Variants in CDH23 observed in about 807,000 individuals in gnomAD.
CDH23 encodes the protein cadherin related 23, also known as cadherin-23.
CDH23 carries 189 observed loss-of-function variants against 317.1 expected under a neutral mutation model. The observed-to-expected ratio is 0.60, with a 90% CI of 0.53 to 0.67. The LOEUF (loss-of-function observed/expected upper bound fraction) is 0.67. Among genes scored for constraint, CDH23 ranks in the 30% least tolerant of loss-of-function variants. CDH23 has a pLI of 0.00. For missense variants in CDH23, 4,401 were observed against 4,592.4 expected (o/e 0.96, Z 1.20); for synonymous variants, 1,839 against 1,876.8 (o/e 0.98, Z 0.52).
chr10:71,749,266 C>T (rs1839931578), intron 38 of CDH23: 1 of 152,336 alleles, frequency 6.6e-6, no homozygotes, highest in South Asian at 2.1e-4. Flanking sequence ...CATGCAGGCC[C>T]CCATGAATTG....
intron 1 of CDH23, among the ~76,000 whole-genome samples, chr10:71,415,664 A>G (rs989560444): frequency 7.9e-5 from 12 of 152,166 alleles, no homozygotes; most frequent in African/African-American, 2.9e-4. Context: ...TTTTAAGCAC[A>G]GCTATTAGTA....
intron 3 of CDH23, among the ~76,000 whole-genome samples, chr10:71,448,339 C>A (rs755631752): frequency 3.9e-5 from 6 of 152,254 alleles, no homozygotes; most frequent in African/African-American, 1.4e-4. Flanking sequence ...CAGCATCGAT[C>A]GGCCTCCGGA....
chr10:71,500,746 C>T (rs1689201489), intron 3 of CDH23, among the ~76,000 whole-genome samples: 1 of 150,840 alleles, frequency 6.6e-6, no homozygotes, highest in Admixed American at 6.6e-5. Context: ...GGTCACTTTA[C>T]CCCTCTGAGC....
At position 71,814,530 on chromosome 10, in the gene CDH23, G is replaced by A. The variant is rs139073804; in HGVS notation, c.9739-422G>A. 4.7e-3 allele frequency among the ~76,000 whole-genome samples: 709 copies of A among 152,306 alleles called. 6 individuals are homozygous for A. Among genetic ancestry groups the A allele is most frequent in the African/African-American group, 0.014 (563 of 41,558 alleles). On this transcript the variant is annotated intron_variant, in intron 69 of 69. Transcript: ENST00000224721. Reference sequence around the variant, plus strand: ...TCCAGACCAGCCTGGCCAACATGGCGTGCCTGTAATCCCACCTACGTGGGA... The same window carrying A: ...TCCAGACCAGCCTGGCCAACATGGCATGCCTGTAATCCCACCTACGTGGGA...
chr10:71,800,703 C>T lies in CDH23; in HGVS notation c.7430C>T (p.Ala2477Val). The change falls in exon 53 of 70, where the codon GCC becomes GTC. Residue 2477 changes from alanine (A) to valine (V), a missense_variant. This residue lies in a region of CDH23 where 189 missense variants were observed against 250.9 expected (regional missense o/e 0.75). Coordinates refer to ENST00000224721, the MANE Select transcript of CDH23 (RefSeq NM_022124.6). ...KKDHYILTALAKDNPGDVASN... is the reference protein window; with the variant it reads ...KKDHYILTALVKDNPGDVASN... Reference sequence around the variant, plus strand: ...GACCACTATATCCTGACTGCCTTGGCCAAAGACAACCCTGGGGATGTAGCC... The same window carrying T: ...GACCACTATATCCTGACTGCCTTGGTCAAAGACAACCCTGGGGATGTAGCC... 1.9e-6 allele frequency: 3 copies of T among 1,613,968 alleles called. No homozygotes were observed. The highest frequency in any genetic ancestry group is 2.5e-6 in the Non-Finnish European group (3 of 1,179,884).
At chr10:71,690,232 C>G (rs571697025) in intron 19 of CDH23, among the ~76,000 whole-genome samples, 1 of 152,308 alleles carries the variant, frequency 6.6e-6, no homozygotes, top group African/African-American at 2.4e-5. Flanking sequence ...CTAAGCCTCT[C>G]ATGAGCCTTG....
intron 26 of CDH23, 179 bp downstream of exon 26, chr10:71,707,228 G>A: frequency 1.4e-6 from 2 of 1,480,384 alleles, no homozygotes; most frequent in South Asian, 2.7e-5. Context: ...TCTTCCCAAG[G>A]GCTTTGCAGC....
intron 6 of CDH23, among the ~76,000 whole-genome samples, chr10:71,515,652 T>C (rs1290981602): frequency 2.0e-5 from 3 of 152,192 alleles, no homozygotes; most frequent in Non-Finnish European, 2.9e-5. Flanking sequence ...TGTGTGACTT[T>C]AGACAAGTGA....
chr10:71,518,905 C>A (rs529170400), intron 6 of CDH23, among the ~76,000 whole-genome samples: 1 of 152,318 alleles, frequency 6.6e-6, no homozygotes, highest in East Asian at 1.9e-4. Context: ...CCCTCATGTC[C>A]CCTGTAACAC....
At chr10:71,732,969 C>T (rs528410705) in intron 32 of CDH23, among the ~76,000 whole-genome samples, 2 of 152,236 alleles carry the variant, frequency 1.3e-5, no homozygotes, top group South Asian at 4.1e-4. Flanking sequence ...CAGTAGACAC[C>T]ATAGTGTCAG....
intron 6 of CDH23, among the ~76,000 whole-genome samples, chr10:71,561,113 G>A (rs1857107207): frequency 6.6e-6 from 1 of 151,862 alleles, no homozygotes; most frequent in African/African-American, 2.4e-5. Flanking sequence ...CTGTTCATAA[G>A]TTTTCCTCTA....
chr10:71,778,013 G>A (rs1459389108), intron 39 of CDH23, 112 bp downstream of exon 39: 2 of 1,433,458 alleles, frequency 1.4e-6, no homozygotes, highest in Non-Finnish European at 1.9e-6. Context: ...AGGGGAAACT[G>A]TGGGGGCACT....
chr10:71,805,730 G>T, intron 55 of CDH23, 76 bp from the exon 56 acceptor site: 1 of 1,420,300 alleles, frequency 7.0e-7, no homozygotes, highest in Non-Finnish European at 9.4e-7. Context: ...AGGAGAAAGA[G>T]CAAGGGCTCC....
chr10:71,556,007 T>C (rs1485504567), intron 6 of CDH23, among the ~76,000 whole-genome samples: 2 of 152,084 alleles, frequency 1.3e-5, no homozygotes, highest in East Asian at 3.9e-4. Context: ...ACGTCTGCTC[T>C]CTAGGGGAAA....
At chr10:71,672,403 C>T (rs1864186870) in intron 14 of CDH23, among the ~76,000 whole-genome samples, 2 of 152,118 alleles carry the variant, frequency 1.3e-5, no homozygotes, top group South Asian at 4.1e-4. Flanking sequence ...CATCAAGGCC[C>T]AAGGTCAGTG....
chr10:71,568,095 A>C (rs1202178589), intron 7 of CDH23, among the ~76,000 whole-genome samples: 1 of 152,232 alleles, frequency 6.6e-6, no homozygotes. Flanking sequence ...GAGAGGCCTC[A>C]AGACCCAGGA....
At chr10:71,490,188 A>G (rs116549885) in intron 3 of CDH23, among the ~76,000 whole-genome samples, 1,619 of 152,050 alleles carry the variant, frequency 0.011, 22 homozygotes, top group African/African-American at 0.032. Flanking sequence ...TTAGTATTTG[A>G]CCTGAGTATT....
intron 9 of CDH23, among the ~76,000 whole-genome samples, chr10:71,603,175 G>A (rs1203636447): frequency 2.0e-5 from 3 of 152,112 alleles, no homozygotes; most frequent in African/African-American, 2.4e-5. Context: ...GTGACAACAC[G>A]TCCAGGATGA....
chr10:71,763,339 G>C (rs1004724919), intron 38 of CDH23, among the ~76,000 whole-genome samples: 1 of 152,204 alleles, frequency 6.6e-6, no homozygotes, highest in Non-Finnish European at 1.5e-5. Context: ...GGCATGTCAG[G>C]CTGTTGTGGG....
Sources: gnomAD v4.1 joint callset for allele counts (sites outside exome capture counted in the v4.1 genomes callset) on GRCh38, gnomAD v4.1.1 for gene constraint, gnomAD v4.1.1 regional missense constraint, MANE v1.5 for transcripts, NCBI Gene and HGNC (gene_info 2026-07-23, HGNC 2026-07-21) for gene names.